SIAH3: variants seen among roughly 807,000 people sequenced by gnomAD.
The protein encoded by SIAH3 is siah E3 ubiquitin protein ligase family member 3, also known as seven in absentia homolog 3.
A neutral mutation model predicts 12.6 loss-of-function variants in SIAH3; 9 were observed. The ratio of observed to expected loss-of-function variants is 0.72; its 90% CI spans 0.43 to 1.25. SIAH3 has a LOEUF of 1.25. Ranked by LOEUF, SIAH3 falls within the 50% of genes most tolerant of loss-of-function variation. SIAH3 has a pLI of 0.00. For synonymous variants in SIAH3, 154 were observed against 151.1 expected, an observed-to-expected ratio of 1.02 and a Z score of -0.14; for missense variants, 390 against 365.4, an observed-to-expected ratio of 1.07 and a Z score of -0.55.
At chr13:45,785,464 C>A (rs1463392330) in intron 1 of SIAH3, among the ~76,000 whole-genome samples, 2 of 151,564 alleles carry the variant, frequency 1.3e-5, no homozygotes, top group African/African-American at 4.9e-5. Context: ...TATCTATCTC[C>A]CCTGACTTCC....
intron 1 of SIAH3, among the ~76,000 whole-genome samples, chr13:45,826,389 A>ATGGGTGAGTGGCTGGGTGGG (rs1566094847): frequency 2.7e-5 from 2 of 75,222 alleles, no homozygotes. Flanking sequence ...GAATGGATGG[A>ATGGGTGAGTGGCTGGGTGGG]TGGATGGATG....
rs1950495720 is a variant in SIAH3, at chr13:45,779,431, A to T, written c.*3952T>A. The T allele has an allele frequency of 6.6e-6, 1 of 152,218 alleles. No individual in the cohort carries two copies. The highest frequency in any genetic ancestry group is 2.1e-4 in the South Asian group (1 of 4,832). The allele number at this position is 152,218 out of a possible 1,614,324, so 9.4% of individuals were successfully genotyped here. ...GGAGAAAAAGGGGAGCTAAAAGGCC[A>T]TATTGAGTATGAAAGCACTAAAAGG... is the stretch of plus-strand genomic sequence containing the variant. On this transcript the variant is annotated 3_prime_UTR_variant, in exon 2 of 2. Coordinates refer to ENST00000400405, the MANE Select transcript of SIAH3 (RefSeq NM_198849.3).
At chr13:45,804,548 T>A (rs577663233) in intron 1 of SIAH3, among the ~76,000 whole-genome samples, 1 of 152,170 alleles carries the variant, frequency 6.6e-6, no homozygotes, top group South Asian at 2.1e-4. Flanking sequence ...TTATACACTT[T>A]AAAAGGTATG....
At chr13:45,812,884 C>T (rs1950620877) in intron 1 of SIAH3, among the ~76,000 whole-genome samples, 1 of 152,212 alleles carries the variant, frequency 6.6e-6, no homozygotes, top group African/African-American at 2.4e-5. Context: ...TCTTCACATG[C>T]TCAAATGCAG....
chr13:45,785,838 A>G (rs1227469046), intron 1 of SIAH3, among the ~76,000 whole-genome samples: 1 of 152,130 alleles, frequency 6.6e-6, no homozygotes, highest in Non-Finnish European at 1.5e-5. Flanking sequence ...CCCCTTCCCC[A>G]AGGTGAACAG....
chr13:45,839,559 G>A (rs1375675206), intron 1 of SIAH3, among the ~76,000 whole-genome samples: 5 of 152,338 alleles, frequency 3.3e-5, no homozygotes, highest in South Asian at 4.1e-4. Context: ...TAGGCCAGGT[G>A]CGGTGGCTCA....
At chr13:45,796,781 G>T (rs1373506919) in intron 1 of SIAH3, among the ~76,000 whole-genome samples, 1 of 152,248 alleles carries the variant, frequency 6.6e-6, no homozygotes, top group African/African-American at 2.4e-5. Flanking sequence ...TCTCTGCAAT[G>T]TGGCTCTCCT....
chr13:45,833,953 T>G (rs1950709015), intron 1 of SIAH3, among the ~76,000 whole-genome samples: 1 of 151,700 alleles, frequency 6.6e-6, no homozygotes, highest in South Asian at 2.1e-4. Context: ...TCTCAGAAGC[T>G]GTTCTTGCAA....
At chr13:45,846,948 G>A (rs1340902729) in intron 1 of SIAH3, among the ~76,000 whole-genome samples, 1 of 152,236 alleles carries the variant, frequency 6.6e-6, no homozygotes, top group Admixed American at 6.5e-5. Context: ...AGCCCACAGA[G>A]TGGAGTGTCA....
intron 1 of SIAH3, among the ~76,000 whole-genome samples, chr13:45,847,648 TGCAC>T (rs1566099776): frequency 2.7e-5 from 4 of 150,496 alleles, no homozygotes; most frequent in Non-Finnish European, 4.4e-5. Flanking sequence ...TGTGTGTGTG[TGCAC>T]GTGTGTGTTT....
intron 1 of SIAH3, among the ~76,000 whole-genome samples, chr13:45,797,976 C>T (rs1950568955): frequency 1.3e-5 from 2 of 152,200 alleles, no homozygotes; most frequent in Non-Finnish European, 2.9e-5. Flanking sequence ...ATTTGTTAGT[C>T]ATGCAGTGTC....
At chr13:45,787,700 GT>G (rs1950533036) in intron 1 of SIAH3, among the ~76,000 whole-genome samples, 1 of 152,200 alleles carries the variant, frequency 6.6e-6, no homozygotes, top group African/African-American at 2.4e-5. Flanking sequence ...GAGATGTCGG[GT>G]CATATTGCCC....
Position 45,851,679 on chromosome 13 carries a change from G to C in SIAH3, c.-50C>G. ...CCGGGAAGGCAGCGGAGGAAGCTGT[G>C]AGTCCTTGGGCCCTGGAAGGAGCGC... On this transcript the variant is annotated 5_prime_UTR_variant, in exon 1 of 2. Coordinates refer to ENST00000400405, the MANE Select transcript of SIAH3 (RefSeq NM_198849.3). 1 of 1,612,690 alleles carries C rather than the reference G, an allele frequency of 6.2e-7. No homozygotes were observed. Among genetic ancestry groups the C allele is most frequent in the Non-Finnish European group, 8.5e-7 (1 of 1,179,274 alleles).
chr13:45,783,976 A>G lies in SIAH3; in HGVS notation c.217T>C (p.Cys73Arg), dbSNP rs201995806. The change falls in exon 2 of 2, where the codon TGC becomes CGC. Residue 73 changes from cysteine (C) to arginine (R), a missense_variant. Transcript: ENST00000400405. ...AGGTGGTGGTGGTGGCGGTGGTGGC[A>G]GTGGTGGTGGGAGAGATGGTGAGGG... Reference protein sequence around the residue: ...FHPHHLSHHHCHHRHHHHLRH... With the variant: ...FHPHHLSHHHRHHRHHHHLRH... 28 of 1,604,966 alleles carry G rather than the reference A, an allele frequency of 1.7e-5. No individual in the cohort carries two copies. The African/African-American group carries it at 2.7e-4, about 15-fold the overall frequency.
At chr13:45,797,254 G>A (rs1950566177) in intron 1 of SIAH3, among the ~76,000 whole-genome samples, 1 of 151,608 alleles carries the variant, frequency 6.6e-6, no homozygotes, top group Non-Finnish European at 1.5e-5. Flanking sequence ...AGAGTGCCAT[G>A]CTCTCCAATT....
At chr13:45,807,396 A>T (rs759049087) in intron 1 of SIAH3, among the ~76,000 whole-genome samples, 2 of 152,226 alleles carry the variant, frequency 1.3e-5, no homozygotes, top group South Asian at 4.1e-4. Context: ...ATTGTAAAAC[A>T]TAGAATAAAG....
At chr13:45,851,429 C>A (rs1950781402) in intron 1 of SIAH3, 66 bp downstream of exon 1, 1 of 1,597,290 alleles carries the variant, frequency 6.3e-7, no homozygotes. Flanking sequence ...GCCGGAGGGT[C>A]GCTGCCGCCT....
chr13:45,843,535 G>A (rs554588009), intron 1 of SIAH3, among the ~76,000 whole-genome samples: 1 of 152,296 alleles, frequency 6.6e-6, no homozygotes, highest in East Asian at 1.9e-4. Flanking sequence ...ACAGGTCCCA[G>A]CTCGTTCAGC....
At chr13:45,802,270 C>T (rs1030126321) in intron 1 of SIAH3, among the ~76,000 whole-genome samples, 3 of 152,142 alleles carry the variant, frequency 2.0e-5, no homozygotes, top group African/African-American at 7.2e-5. Context: ...TGTGCCACTG[C>T]TCTCCAGCCT....
Sources: gnomAD v4.1 joint callset for allele counts (sites outside exome capture counted in the v4.1 genomes callset) on GRCh38, gnomAD v4.1.1 for gene constraint, MANE v1.5 for transcripts, NCBI Gene and HGNC (gene_info 2026-07-23, HGNC 2026-07-21) for gene names.